PHLPP2: variants seen among roughly 807,000 people sequenced by gnomAD.
PHLPP2 encodes the protein PH domain leucine-rich repeat-containing protein phosphatase 2.
Under a neutral mutation model 124.9 loss-of-function variants are expected in PHLPP2, and 66 were observed. That is an observed-to-expected ratio of 0.53 (90% CI 0.43 to 0.65). The LOEUF is 0.65. Among genes scored for constraint, PHLPP2 ranks in the 30% least tolerant of loss-of-function variants. The pLI, the probability that PHLPP2 is intolerant of heterozygous loss-of-function variation, is 0.00. For missense variants in PHLPP2, 1,685 were observed against 1,600.4 expected (o/e 1.05, Z -0.90); for synonymous variants, 681 against 624.7 (o/e 1.09, Z -1.34).
At chr16:71,721,097 G>A (rs758892584) in intron 1 of PHLPP2, among the ~76,000 whole-genome samples, 44 of 148,034 alleles carry the variant, frequency 3.0e-4, no homozygotes, top group Middle Eastern at 3.9e-3. Flanking sequence ...ACTTTGGGAT[G>A]CCGAGGAGGG....
At position 71,669,437 on chromosome 16, in the gene PHLPP2, T is replaced by C. The variant is rs950205154; in HGVS notation, c.1533-67A>G. On this transcript the variant is annotated intron_variant, in intron 10 of 18. Transcript: ENST00000568954. ...AAGTGGAACTCATTTCAGTAGGCTA[T>C]AATGTATCCATTAACCAGCCTGTGA... The C allele has an allele frequency of 4.3e-6, 5 of 1,156,428 alleles. No homozygotes were observed. In the African/African-American group the frequency reaches 7.6e-5, roughly 18 times the overall value. The allele number at this position is 1,156,428 out of a possible 1,614,324, so 71.6% of individuals were successfully genotyped here. A position where few individuals can be genotyped will look rare whatever the true frequency, so the allele number is the denominator to read the frequency against.
rs374355700 is a variant in PHLPP2 at position 71,663,888 on chromosome 16, A to G, written c.1985+11T>C. 17 of 1,600,396 alleles carry G rather than the reference A, an allele frequency of 1.1e-5. No individual in the cohort carries two copies. The Admixed American group carries it at 2.8e-4, about 27-fold the overall frequency. ...TGTATTTGAAATGATCAAAGTTTGC[A>G]TTCATTTTACCTTGCAGGAAAGGTC... On this transcript the variant is annotated intron_variant, in intron 13 of 18. Coordinates refer to ENST00000568954, the MANE Select transcript of PHLPP2 (RefSeq NM_015020.3).
intron 1 of PHLPP2, among the ~76,000 whole-genome samples, chr16:71,719,550 CT>C (rs1272464845): frequency 6.6e-6 from 1 of 151,676 alleles, no homozygotes; most frequent in African/African-American, 2.4e-5. Context: ...TAAAAAGTAT[CT>C]TTTTTAATTT....
chr16:71,713,621 A>T (rs994880060), intron 2 of PHLPP2, among the ~76,000 whole-genome samples: 1 of 152,206 alleles, frequency 6.6e-6, no homozygotes, highest in Non-Finnish European at 1.5e-5. Flanking sequence ...AAAATTGAAC[A>T]CTACTGCAGC....
intron 15 of PHLPP2, 61 bp downstream of exon 15, chr16:71,658,172 G>GACCT: frequency 6.9e-7 from 1 of 1,447,884 alleles, no homozygotes; most frequent in Non-Finnish European, 9.6e-7. Flanking sequence ...TACTAAGGAA[G>GACCT]ACCTACACAT....
chr16:71,667,863 TC>T (rs2044852678), intron 11 of PHLPP2, among the ~76,000 whole-genome samples: 1 of 152,180 alleles, frequency 6.6e-6, no homozygotes, highest in African/African-American at 2.4e-5. Flanking sequence ...AAGATTGTGT[TC>T]ATATTTAGTA....
At chr16:71,699,480 G>A (rs2045207223) in intron 3 of PHLPP2, among the ~76,000 whole-genome samples, 1 of 152,160 alleles carries the variant, frequency 6.6e-6, no homozygotes, top group African/African-American at 2.4e-5. Context: ...TTGACTTCAA[G>A]GGAGAGTGAG....
At chr16:71,665,256 G>A (rs771221147) in intron 12 of PHLPP2, among the ~76,000 whole-genome samples, 2 of 152,178 alleles carry the variant, frequency 1.3e-5, no homozygotes, top group Non-Finnish European at 2.9e-5. Context: ...GTTGCAGTGA[G>A]CTGAGATCGT....
At chr16:71,696,417 A>C (rs1232685722) in intron 3 of PHLPP2, among the ~76,000 whole-genome samples, 1 of 152,066 alleles carries the variant, frequency 6.6e-6, no homozygotes, top group Non-Finnish European at 1.5e-5. Context: ...TGGGCAGATC[A>C]CCTGAGGTCA....
chr16:71,684,327 T>A, intron 5 of PHLPP2, 149 bp downstream of exon 5: 1 of 654,774 alleles, frequency 1.5e-6, no homozygotes, highest in Admixed American at 2.6e-5. Context: ...GGTTTCACCA[T>A]GTTGGTCAGA....
intron 2 of PHLPP2, among the ~76,000 whole-genome samples, chr16:71,709,224 T>A (rs977325500): frequency 6.6e-6 from 1 of 152,176 alleles, no homozygotes; most frequent in African/African-American, 2.4e-5. Context: ...TCAGTATGTA[T>A]CCTAAAACAG....
chr16:71,701,938 T>C (rs1008770416), intron 3 of PHLPP2, among the ~76,000 whole-genome samples: 6 of 152,124 alleles, frequency 3.9e-5, no homozygotes, highest in Non-Finnish European at 8.8e-5. Flanking sequence ...ACATATAGAG[T>C]TCAGTACTAT....
chr16:71,724,015 C>T (rs879438190), intron 1 of PHLPP2: 11 of 196,274 alleles, frequency 5.6e-5, no homozygotes, highest in Non-Finnish European at 1.0e-4. Context: ...TCCCGCAGCC[C>T]CGCTGGACCT....
intron 13 of PHLPP2, among the ~76,000 whole-genome samples, chr16:71,663,553 G>A (rs2044812390): frequency 6.6e-6 from 1 of 152,118 alleles, no homozygotes; most frequent in Non-Finnish European, 1.5e-5. Context: ...TTTGTATTAT[G>A]AATAAATAGA....
At position 71,649,368 on chromosome 16, in the gene PHLPP2, A is replaced by G. The variant is rs1039851587; in HGVS notation, c.3494T>C (p.Val1165Ala). Residue 1165 changes from valine to alanine, a missense_variant, in exon 19 of 19, where the codon GTA becomes GCA. Physicochemically the swap from Val to Ala is moderately conservative, Grantham distance 64 (BLOSUM62 0). Transcript: ENST00000568954. ...VEGVITNGSK[V>A]EVEVDIHCCR... ...GCAGTGGATGTCTACTTCCACCTCT[A>G]CCTTGCTGCCATTGGTTATGACCCC... 2.5e-6 allele frequency: 4 copies of G among 1,613,678 alleles called. No homozygotes were observed. The highest frequency in any genetic ancestry group is 2.5e-6 in the Non-Finnish European group (3 of 1,179,798).
chr16:71,691,093 G>A (rs957665675), intron 3 of PHLPP2, among the ~76,000 whole-genome samples: 2 of 152,034 alleles, frequency 1.3e-5, no homozygotes, highest in Non-Finnish European at 2.9e-5. Flanking sequence ...TTCTCATTAC[G>A]CTTTACTTTA....
intron 11 of PHLPP2, among the ~76,000 whole-genome samples, chr16:71,667,918 A>G (rs2044853128): frequency 6.6e-6 from 1 of 152,200 alleles, no homozygotes; most frequent in South Asian, 2.1e-4. Context: ...CATAGAAAAT[A>G]ACATTTTATA....
chr16:71,693,211 C>T (rs1236561387), intron 3 of PHLPP2, among the ~76,000 whole-genome samples: 1 of 152,100 alleles, frequency 6.6e-6, no homozygotes, highest in Non-Finnish European at 1.5e-5. Flanking sequence ...CGCTTGAACC[C>T]AGGAGGCGGA....
At chr16:71,693,726 G>A (rs184049617) in intron 3 of PHLPP2, among the ~76,000 whole-genome samples, 19 of 152,184 alleles carry the variant, frequency 1.2e-4, no homozygotes, top group African/African-American at 4.3e-4. Context: ...AATCTCCCAC[G>A]GCTGCCTTCT....
Sources: gnomAD v4.1 joint callset for allele counts (sites outside exome capture counted in the v4.1 genomes callset) on GRCh38, gnomAD v4.1.1 for gene constraint, MANE v1.5 for transcripts, NCBI Gene and HGNC (gene_info 2026-07-23, HGNC 2026-07-21) for gene names.